Variants in ABCD4 observed in about 807,000 individuals in gnomAD.
The protein encoded by ABCD4 is ATP binding cassette subfamily D member 4, also known as lysosomal cobalamin transporter ABCD4.
A neutral mutation model predicts 86.3 loss-of-function variants in ABCD4; 53 were observed. The ratio of observed to expected loss-of-function variants is 0.61; its 90% confidence interval spans 0.49 to 0.77. ABCD4 has a LOEUF of 0.77. ABCD4 is among the 30% of genes least tolerant of loss of function. The pLI is 0.00. For synonymous variants in ABCD4, 328 were observed against 313.6 expected (o/e 1.05, Z -0.49); for missense variants, 757 against 764.5 (o/e 0.99, Z 0.12).
rs2139819411 is a variant in ABCD4, at chr14:74,290,131, C to T, written c.1328-13G>A. The T allele has an allele frequency of 6.2e-7, 1 of 1,614,158 alleles. No homozygotes were observed. The highest frequency in any genetic ancestry group is 8.5e-7 in the Non-Finnish European group (1 of 1,180,006). On this transcript the variant is annotated splice_polypyrimidine_tract_variant and intron_variant, in intron 12 of 18. Coordinates refer to ENST00000356924, the MANE Select transcript of ABCD4 (RefSeq NM_005050.4). ...ATCTGCACTGAGCCTGCAGAGCCCA[C>T]AGAAACCTCCATTGTGAGATCTCCC...
At chr14:74,291,849 G>GC (rs2081565947) in intron 11 of ABCD4, among the ~76,000 whole-genome samples, 1 of 152,176 alleles carries the variant, frequency 6.6e-6, no homozygotes, top group Non-Finnish European at 1.5e-5. Flanking sequence ...TAGGTAATCT[G>GC]CCCAAGGAAA....
rs1317444913 is a variant in ABCD4, at chr14:74,288,275, A to G, written c.1507-16T>C. 2.5e-6 allele frequency: 4 copies of G among 1,603,226 alleles called. No individual in the cohort carries two copies. The highest frequency in any genetic ancestry group is 3.4e-6 in the Non-Finnish European group (4 of 1,174,564). On this transcript the variant is annotated splice_polypyrimidine_tract_variant and intron_variant, in intron 15 of 18. Coordinates refer to ENST00000356924, the MANE Select transcript of ABCD4 (RefSeq NM_005050.4). ...CCAAGTTGGACTGTAACAGACCCAG[A>G]GGGCAGGATGTCCATGAAATGGCCA...
chr14:74,290,038 G>T lies in ABCD4; in HGVS notation c.1408C>A (p.Leu470Ile). The T allele has an allele frequency of 6.2e-7, 1 of 1,614,156 alleles. No homozygotes were observed. Among genetic ancestry groups the T allele is most frequent in the African/African-American group, 1.3e-5 (1 of 75,038 alleles). The change falls in exon 13 of 19, where the codon CTT becomes ATT. Residue 470 changes from leucine to isoleucine, a missense_variant. Leu to Ile is a conservative substitution (Grantham distance 5). Coordinates refer to ENST00000356924, the MANE Select transcript of ABCD4 (RefSeq NM_005050.4). ...PQKPFFTDGT[L>I]REQVIYPLKE... ...TGAACTAGACTGACCTGCTCCCGAA[G>T]GGTCCCGTCAGTGAAGAATGGCTTT...
At chr14:74,300,796 T>G (rs559018397) in intron 1 of ABCD4, among the ~76,000 whole-genome samples, 1 of 152,144 alleles carries the variant, frequency 6.6e-6, no homozygotes, top group Non-Finnish European at 1.5e-5. Flanking sequence ...CACAGTGCCA[T>G]AGATTAAGTT....
In ABCD4 at chr14:74,293,318, A is replaced by G. The variant is rs777119057; in HGVS notation, c.720-70T>C. 8.6e-6 allele frequency: 12 copies of G among 1,401,128 alleles called. No homozygotes were observed. In the East Asian group the frequency reaches 1.4e-4, roughly 16 times the overall value. The allele number at this position is 1,401,128 out of a possible 1,614,324, so 86.8% of individuals were successfully genotyped here. A position where few individuals can be genotyped will look rare whatever the true frequency, so the allele number is the denominator to read the frequency against. On this transcript the variant is annotated intron_variant, in intron 7 of 18. Transcript: ENST00000356924. ...GCCAGGTTGGGGGGCCGCCTGTCCCATATCACACCCTCCTTTAGAAACCAA... is the reference window on the plus strand; with the variant it reads ...GCCAGGTTGGGGGGCCGCCTGTCCCGTATCACACCCTCCTTTAGAAACCAA...
In ABCD4 at chr14:74,290,439, G is replaced by A. The variant is rs774256579; in HGVS notation, c.1179C>T (p.Ser393=). Residue 393 remains serine (S), a synonymous_variant, in exon 12 of 19, where the codon TCC becomes TCT. Transcript: ENST00000356924. ...ADTAFLLERV[S]ISAPSSDKPL... is the part of the protein sequence containing the mutation. Reference sequence around the variant, plus strand: ...GTTTGTCAGAGGAGGGGGCAGAGATGGAGACCCGCTCAAGGAGAAATGCTG... The same window carrying A: ...GTTTGTCAGAGGAGGGGGCAGAGATAGAGACCCGCTCAAGGAGAAATGCTG... 1 of 1,614,110 alleles carries A rather than the reference G, an allele frequency of 6.2e-7. No individual in the cohort carries two copies. Among genetic ancestry groups the A allele is most frequent in the Admixed American group, 1.7e-5 (1 of 60,014 alleles).
chr14:74,289,672 A>G, intron 13 of ABCD4, 153 bp from the exon 14 acceptor site: 1 of 1,459,738 alleles, frequency 6.9e-7, no homozygotes, highest in Non-Finnish European at 9.0e-7. Flanking sequence ...TCTGGCCGGC[A>G]GACAGCAGGG....
chr14:74,301,000 A>C (rs1390163320), intron 1 of ABCD4, among the ~76,000 whole-genome samples: 1 of 151,802 alleles, frequency 6.6e-6, no homozygotes, highest in Admixed American at 6.6e-5. Context: ...TTACAGGTGC[A>C]TGCCACCACG....
At chr14:74,286,964 T>C (rs1594790670) in intron 17 of ABCD4, 148 bp from the exon 18 acceptor site, 2 of 679,796 alleles carry the variant, frequency 2.9e-6, no homozygotes, top group Non-Finnish European at 5.0e-6. Context: ...GGGAGAAGGA[T>C]GGGCCAGAGG....
intron 13 of ABCD4, 46 bp downstream of exon 13, chr14:74,289,981 G>A (rs1168033577): frequency 1.2e-6 from 2 of 1,612,940 alleles, no homozygotes; most frequent in African/African-American, 2.7e-5. Context: ...AGCTGTGGGT[G>A]GGCGGGGTTG....
chr14:74,302,730 C>T, intron 1 of ABCD4, 145 bp downstream of exon 1: 1 of 1,007,164 alleles, frequency 9.9e-7, no homozygotes, highest in Non-Finnish European at 1.4e-6. Flanking sequence ...GCGGACGCCC[C>T]TTCGAGAGCT....
intron 11 of ABCD4, among the ~76,000 whole-genome samples, chr14:74,291,273 C>T (rs1467029161): frequency 6.6e-6 from 1 of 152,208 alleles, no homozygotes; most frequent in Non-Finnish European, 1.5e-5. Flanking sequence ...CACATTAATA[C>T]AGGGGTAGGG....
At chr14:74,295,787 T>G in intron 6 of ABCD4, 67 bp downstream of exon 6, 1 of 1,602,136 alleles carries the variant, frequency 6.2e-7, no homozygotes, top group Non-Finnish European at 8.5e-7. Flanking sequence ...CTTAGGCAGT[T>G]TTACTCCAGA....
At chr14:74,294,400 C>T (rs74063826) in intron 7 of ABCD4, 6,955 of 152,424 alleles carry the variant, frequency 0.046, 485 homozygotes, top group African/African-American at 0.16. Context: ...CACCTCACAA[C>T]CCCACCCCAG....
chr14:74,294,898 T>G, intron 7 of ABCD4: 1 of 533,736 alleles, frequency 1.9e-6, no homozygotes, highest in Non-Finnish European at 3.3e-6. Flanking sequence ...CATTTGACAA[T>G]TTCAGGCCCC....
Position 74,287,843 on chromosome 14 carries a change from CAAAGGAGAG to C in ABCD4, c.1594_1602del (p.Leu532_Phe534del). ...TTCGGCTGCAGGTAGAAGAGTCGGG[CAAAGGAGAG>C]CCGTTGCATCTCCCCCGGGGACAGA... On this transcript the variant is annotated inframe_deletion, in exon 17 of 19. Coordinates refer to ENST00000356924, the MANE Select transcript of ABCD4 (RefSeq NM_005050.4). 1 of 1,613,198 alleles carries C rather than the reference CAAAGGAGAG, an allele frequency of 6.2e-7. No homozygotes were observed. Among genetic ancestry groups the C allele is most frequent in the Non-Finnish European group, 8.5e-7 (1 of 1,179,556 alleles).
In ABCD4 at chr14:74,295,964, C is replaced by A; in HGVS notation, c.558G>T (p.Gly186=). 2 of 1,606,822 alleles carry A rather than the reference C, an allele frequency of 1.2e-6. No individual in the cohort carries two copies. Among genetic ancestry groups the A allele is most frequent in the Non-Finnish European group, 1.7e-6 (2 of 1,178,182 alleles). Residue 186 remains glycine (G), a synonymous_variant, in exon 6 of 19, where the codon GGG becomes GGT. Coordinates refer to ENST00000356924, the MANE Select transcript of ABCD4 (RefSeq NM_005050.4). ...YQCFQSTGWL[G]PVSIFGYFIL... is the part of the protein sequence containing the mutation. ...TGAAATACCCGAAGATGCTCACAGG[C>A]CCGAGCCAGCCTGTGCTGAAATAGA... is the stretch of plus-strand genomic sequence containing the variant.
intron 4 of ABCD4, 104 bp downstream of exon 4, chr14:74,297,826 G>T (rs1294448258): frequency 1.4e-6 from 2 of 1,474,522 alleles, no homozygotes; most frequent in South Asian, 3.0e-5. Flanking sequence ...ATTTGAAAAC[G>T]ACTGCAGATG....
rs761302043 is a variant in ABCD4, at chr14:74,293,141, C to T, written c.814+13G>A. On this transcript the variant is annotated intron_variant, in intron 8 of 18. Coordinates refer to ENST00000356924, the MANE Select transcript of ABCD4 (RefSeq NM_005050.4). Reference sequence around the variant, plus strand: ...ACCCCATGGTTCCCACTTCCCTGGGCCCCCTCGCCTACTGTACAGCCAGAG... The same window carrying T: ...ACCCCATGGTTCCCACTTCCCTGGGTCCCCTCGCCTACTGTACAGCCAGAG... 6 of 1,611,628 alleles carry T rather than the reference C, an allele frequency of 3.7e-6. No individual in the cohort carries two copies. The highest frequency in any genetic ancestry group is 5.1e-6 in the Non-Finnish European group (6 of 1,178,588).
Sources: allele counts gnomAD v4.1 joint callset (sites outside exome capture counted in the v4.1 genomes callset), GRCh38; gene constraint gnomAD v4.1.1; transcripts MANE v1.5; gene names NCBI Gene and HGNC (gene_info 2026-07-23, HGNC 2026-07-21).